The following TNRC6A variants were observed in gnomAD, a reference collection of about 807,000 sequenced individuals.
TNRC6A encodes trinucleotide repeat containing adaptor 6A.
A neutral mutation model predicts 221.2 loss-of-function variants in TNRC6A; 44 were observed. The observed-to-expected ratio is 0.20, with a 90% CI of 0.16 to 0.26. The LOEUF (loss-of-function observed/expected upper bound fraction) is 0.26, where lower values mean the gene tolerates loss of function less well. Among genes scored for constraint, TNRC6A ranks in the 10% least tolerant of loss-of-function variants. The pLI is 1.00. For missense variants in TNRC6A, 2,199 were observed against 2,404.4 expected (o/e 0.91, Z 1.79); for synonymous variants, 847 against 838.5 (o/e 1.01, Z -0.18).
At chr16:24,667,338 C>T (rs187748761) in intron 2 of TNRC6A, among the ~76,000 whole-genome samples, 41 of 152,242 alleles carry the variant, frequency 2.7e-4, no homozygotes, top group African/African-American at 9.4e-4. Flanking sequence ...AGGCCTGGCC[C>T]CCTGCACATG....
At chr16:24,773,698 A>G (rs1271369471) in intron 4 of TNRC6A, among the ~76,000 whole-genome samples, 1 of 152,170 alleles carries the variant, frequency 6.6e-6, no homozygotes, top group African/African-American at 2.4e-5. Flanking sequence ...GGCTTGGCAT[A>G]TGAAAGTGCT....
chr16:24,720,725 A>C (rs948914746), intron 2 of TNRC6A, among the ~76,000 whole-genome samples: 15 of 150,202 alleles, frequency 1.0e-4, no homozygotes, highest in African/African-American at 3.7e-4. Context: ...AGAAAAAAAA[A>C]AAAGAAAAAA....
rs2056576258 is a variant in TNRC6A, at chr16:24,729,768, C to T, written c.-74C>T. On this transcript the variant is annotated 5_prime_UTR_variant, in exon 1 of 25. Coordinates refer to ENST00000395799, the MANE Select transcript of TNRC6A (RefSeq NM_014494.4). Reference sequence around the variant, plus strand: ...CTGGTGCAGCGGCTCGGGCCTCTCCCCGCGGCGCTGCGGAGGGCTTGAGGC... The same window carrying T: ...CTGGTGCAGCGGCTCGGGCCTCTCCTCGCGGCGCTGCGGAGGGCTTGAGGC... 7.3e-7 allele frequency: 1 copy of T among 1,372,462 alleles called. No individual in the cohort carries two copies. The highest frequency in any genetic ancestry group is 9.4e-7 in the Non-Finnish European group (1 of 1,060,598). 85.0% of individuals were successfully genotyped at this position (1,372,462 alleles called of 1,614,324 possible). A position where few individuals can be genotyped will look rare whatever the true frequency, so the allele number is the denominator to read the frequency against.
chr16:24,632,367 C>A (rs1169874202), intron 1 of TNRC6A, among the ~76,000 whole-genome samples: 1 of 152,084 alleles, frequency 6.6e-6, no homozygotes, highest in African/African-American at 2.4e-5. Context: ...GAAATTCCAC[C>A]ACCGTCCACC....
chr16:24,717,399 G>A (rs1203623389), intron 2 of TNRC6A, among the ~76,000 whole-genome samples: 3 of 152,136 alleles, frequency 2.0e-5, no homozygotes, highest in Admixed American at 6.6e-5. Flanking sequence ...AGCAAAGGAG[G>A]ACAGCCTCTA....
chr16:24,748,575 T>A (rs1184644609), intron 2 of TNRC6A, among the ~76,000 whole-genome samples: 1 of 152,174 alleles, frequency 6.6e-6, no homozygotes, highest in Admixed American at 6.5e-5. Flanking sequence ...GTTATCCTTT[T>A]AGCTGATTTT....
chr16:24,649,387 A>C (rs1902501447), intron 2 of TNRC6A, among the ~76,000 whole-genome samples: 4 of 152,008 alleles, frequency 2.6e-5, no homozygotes, highest in Admixed American at 6.6e-5. Context: ...TAGCTCACTG[A>C]AACCTCGAAC....
intron 2 of TNRC6A, among the ~76,000 whole-genome samples, chr16:24,742,199 A>G (rs1021600807): frequency 6.6e-6 from 1 of 152,196 alleles, no homozygotes; most frequent in Non-Finnish European, 1.5e-5. Context: ...TTAAATCTTC[A>G]CAACCACCCA....
At chr16:24,636,108 G>A (rs538697189) in intron 1 of TNRC6A, among the ~76,000 whole-genome samples, 1 of 152,338 alleles carries the variant, frequency 6.6e-6, no homozygotes, top group South Asian at 2.1e-4. Flanking sequence ...TTGCAGGGAG[G>A]CATGTGACGG....
intron 11 of TNRC6A, among the ~76,000 whole-genome samples, chr16:24,801,268 T>A (rs2058325411): frequency 6.6e-6 from 1 of 152,114 alleles, no homozygotes; most frequent in Non-Finnish European, 1.5e-5. Flanking sequence ...AATAATGGCA[T>A]TTAGGGGAGT....
At chr16:24,699,202 C>G in intron 2 of TNRC6A, among the ~76,000 whole-genome samples, 1 of 152,094 alleles carries the variant, frequency 6.6e-6, no homozygotes, top group Non-Finnish European at 1.5e-5. Context: ...GTGTATGTGC[C>G]ATGAACTGGG....
At position 24,805,664 on chromosome 16, in the gene TNRC6A, C is replaced by A. The variant is rs1341526895; in HGVS notation, c.4182C>A (p.Gly1394=). ...ACGGTGGCCTGAATCCACTCTTTGG[C>A]CCTCAACAGGTAGCCATGCTGAACC... The part of the protein sequence containing the change: ...PNNGGLNPLF[G]PQQVAMLNQL... The change falls in exon 15 of 25, where the codon GGC becomes GGA. Residue 1394 remains glycine, a synonymous_variant. Coordinates refer to ENST00000395799, the MANE Select transcript of TNRC6A (RefSeq NM_014494.4). 1.2e-6 allele frequency: 2 copies of A among 1,614,086 alleles called. No individual in the cohort carries two copies. The highest frequency in any genetic ancestry group is 3.3e-5 in the Admixed American group (2 of 60,008).
intron 17 of TNRC6A, among the ~76,000 whole-genome samples, chr16:24,807,109 G>T (rs542719582): frequency 2.6e-5 from 4 of 151,532 alleles, no homozygotes; most frequent in African/African-American, 9.7e-5. Flanking sequence ...GGGTTCAAGC[G>T]ATTCTCGCAC....
At chr16:24,707,767 T>C (rs1486332430) in intron 2 of TNRC6A, among the ~76,000 whole-genome samples, 6 of 152,118 alleles carry the variant, frequency 3.9e-5, no homozygotes, top group African/African-American at 1.4e-4. Context: ...TGTTAAATAA[T>C]GGCCACAATG....
chr16:24,657,317 CAAAAAAAAAA>C (rs56241898), intron 2 of TNRC6A, among the ~76,000 whole-genome samples: 15 of 88,162 alleles, frequency 1.7e-4, no homozygotes, highest in Non-Finnish European at 2.4e-4. Flanking sequence ...GACCCTATCT[CAAAAAAAAAA>C]AAAAAAAAAA....
rs1343880111 is a variant in TNRC6A at position 24,790,669 on chromosome 16, C to T, written c.2027C>T (p.Thr676Ile). 6.2e-7 allele frequency: 1 copy of T among 1,614,130 alleles called. No homozygotes were observed. The highest frequency in any genetic ancestry group is 8.5e-7 in the Non-Finnish European group (1 of 1,180,030). Residue 676 changes from threonine to isoleucine, a missense_variant, in exon 6 of 25, where the codon ACA (threonine) becomes ATA (isoleucine). By Grantham distance (89) the Thr-to-Ile change is moderately conservative. Coordinates refer to ENST00000395799, the MANE Select transcript of TNRC6A (RefSeq NM_014494.4). The part of the protein sequence containing the change: ...TGGTVESDGS[T>I]ESTGRLEEKG... ...GGTACAGTGGAGAGCGATGGTAGTA[C>T]AGAAAGCACTGGACGCCTTGAGGAA...
Position 24,804,168 on chromosome 16 carries a change from C to T in TNRC6A, c.3695-9C>T, listed in dbSNP as rs2058382304. ...TTCCTGTTTGATAACAGTCTCCTGC[C>T]TTTATTAGGAATGTTACAAGACAAA... On this transcript the variant is annotated splice_polypyrimidine_tract_variant and intron_variant, in intron 11 of 24. Transcript: ENST00000395799. 1 of 1,589,602 alleles carries T rather than the reference C, an allele frequency of 6.3e-7. No individual in the cohort carries two copies. The highest frequency in any genetic ancestry group is 8.5e-7 in the Non-Finnish European group (1 of 1,172,544).
Position 24,823,219 on chromosome 16 carries a change from C to T in TNRC6A, c.5513+206C>T, listed in dbSNP as rs993802025. 2.0e-5 allele frequency among the ~76,000 whole-genome samples: 3 copies of T among 152,334 alleles called. No homozygotes were observed. The highest frequency in any genetic ancestry group is 3.4e-3 in the Middle Eastern group (1 of 294). The stretch of plus-strand genomic sequence containing the variant: ...AGTCCCTTACGTTGCCCATGGCAGA[C>T]AGAGGAAGTTCGCTCTGGGCAAGGC... On this transcript the variant is annotated intron_variant, in intron 24 of 24. Coordinates refer to ENST00000395799, the MANE Select transcript of TNRC6A (RefSeq NM_014494.4). This position sits in a 1 kb window ranked among gnomAD's most constrained non-coding sequence, Gnocchi z 4.3.
intron 2 of TNRC6A, among the ~76,000 whole-genome samples, chr16:24,672,028 C>T (rs2055313414): frequency 6.6e-6 from 1 of 152,086 alleles, no homozygotes; most frequent in Non-Finnish European, 1.5e-5. Context: ...ATATGGACAG[C>T]ATGTGAGATT....
Sources: gnomAD v4.1 joint callset for allele counts (sites outside exome capture counted in the v4.1 genomes callset) on GRCh38, gnomAD v4.1.1 for gene constraint, Gnocchi (gnomAD v3.1) non-coding constraint, MANE v1.5 for transcripts, NCBI Gene and HGNC (gene_info 2026-07-23, HGNC 2026-07-21) for gene names.